The following PABPC1 variants were observed in gnomAD, a reference collection of about 807,000 sequenced individuals.
PABPC1 encodes the protein poly(A) binding protein cytoplasmic 1.
A neutral mutation model predicts 74.0 loss-of-function variants in PABPC1; 4 were observed. The observed-to-expected ratio is 0.05, with a 90% CI of 0.03 to 0.12. PABPC1 has a LOEUF of 0.12. PABPC1 is among the 10% of genes least tolerant of loss of function. The pLI, the probability that PABPC1 is intolerant of heterozygous loss-of-function variation, is 1.00. For synonymous variants in PABPC1, 227 were observed against 264.1 expected (o/e 0.86, Z 1.36); for missense variants, 271 against 821.1 (o/e 0.33, Z 8.19).
In PABPC1 at chr8:100,715,690, A is replaced by C. The variant is rs73700213; in HGVS notation, c.504-89T>G. 0.014 allele frequency: 11,847 copies of C among 873,034 alleles called. 902 individuals are homozygous for C. The African/African-American group carries it at 0.17, about 13-fold the overall frequency. The allele number at this position is 873,034 out of a possible 1,614,324, so 54.1% of individuals were successfully genotyped here. The stretch of plus-strand genomic sequence containing the variant: ...CTGATGGTTGGTTTTGTTACTGTTA[A>C]TGAGAATATTCAGAATCCCTAATAA... On this transcript the variant is annotated intron_variant, in intron 3 of 14. Transcript: ENST00000318607.
intron 2 of PABPC1, 37 bp from the exon 3 acceptor site, chr8:100,717,925 T>C (rs1376333393): frequency 6.8e-7 from 1 of 1,470,674 alleles, no homozygotes; most frequent in East Asian, 2.3e-5. Flanking sequence ...CTTTATTTGC[T>C]ATTGATTTAA....
At chr8:100,712,232 GAATTTAAGTTTT>G (rs1336715313) in intron 7 of PABPC1, 118 bp downstream of exon 7, 10 of 587,406 alleles carry the variant, frequency 1.7e-5, no homozygotes, top group Non-Finnish European at 3.0e-5. Flanking sequence ...GTTCAAATGT[GAATTTAAGTTTT>G]AGAAGTAACG....
At chr8:100,715,375 A>G (rs1010057956) in intron 4 of PABPC1, 87 bp downstream of exon 4, 4 of 1,205,978 alleles carry the variant, frequency 3.3e-6, no homozygotes, top group African/African-American at 1.5e-5. Flanking sequence ...AATTTTATTG[A>G]CTTTTTTAGT....
At chr8:100,707,789 C>A (rs1259772725) in intron 9 of PABPC1, among the ~76,000 whole-genome samples, 1 of 152,234 alleles carries the variant, frequency 6.6e-6, no homozygotes, top group Admixed American at 6.5e-5. Flanking sequence ...ACTCCCTTTC[C>A]CGGTCTGCTA....
chr8:100,712,797 C>T lies in PABPC1; in HGVS notation c.739-8G>A. 1 of 1,480,370 alleles carries T rather than the reference C, an allele frequency of 6.8e-7. No homozygotes were observed. Among genetic ancestry groups the T allele is most frequent in the Non-Finnish European group, 8.9e-7 (1 of 1,129,638 alleles). The allele number at this position is 1,480,370 out of a possible 1,614,324, so 91.7% of individuals were successfully genotyped here. ...GTTCATCTCATCCACAGCCTTCCCC[C>T]CAAAAAAAAAGAAAAAAAAAAAATC... On this transcript the variant is annotated splice_region_variant and splice_polypyrimidine_tract_variant and intron_variant, in intron 5 of 14. Coordinates refer to ENST00000318607, the MANE Select transcript of PABPC1 (RefSeq NM_002568.4).
intron 7 of PABPC1, 150 bp from the exon 8 acceptor site, chr8:100,709,881 A>G: frequency 1.1e-6 from 1 of 896,296 alleles, no homozygotes; most frequent in East Asian, 2.7e-5. Flanking sequence ...TGAGTTCACA[A>G]TTTTTCCTTA....
At chr8:100,711,538 A>G (rs1056817260) in intron 7 of PABPC1, among the ~76,000 whole-genome samples, 1 of 152,236 alleles carries the variant, frequency 6.6e-6, no homozygotes, top group African/African-American at 2.4e-5. Context: ...ACAACACTCA[A>G]TTTAAACAAT....
chr8:100,715,592 T>C lies in PABPC1; in HGVS notation c.513A>G (p.Gly171=). The C allele has an allele frequency of 6.2e-7, 1 of 1,607,966 alleles. No homozygotes were observed. Among genetic ancestry groups the C allele is most frequent in the Non-Finnish European group, 8.5e-7 (1 of 1,175,862 alleles). ...MLLNDRKVFV[G]RFKSRKEREA... ...CTCGTTCTTTACGAGACTTAAATCG[T>C]CCAACAAATCTAATAAGATATACAA... The change falls in exon 4 of 15, where the codon GGA becomes GGG. Residue 171 remains glycine, a synonymous_variant. Transcript: ENST00000318607.
intron 8 of PABPC1, 79 bp downstream of exon 8, chr8:100,709,380 C>T (rs564964305): frequency 2.6e-5 from 40 of 1,543,610 alleles, no homozygotes; most frequent in Middle Eastern, 1.7e-4. Context: ...TTCACATTTG[C>T]GGGGCGAGGG....
At chr8:100,715,122 TAC>T (rs56819980) in intron 4 of PABPC1, among the ~76,000 whole-genome samples, 10,716 of 131,124 alleles carry the variant, frequency 0.082, 428 homozygotes, top group Non-Finnish European at 0.11. Context: ...GATCTCTAAT[TAC>T]ACACACACAC....
chr8:100,703,816 G>A (rs193266897), intron 14 of PABPC1, among the ~76,000 whole-genome samples: 31 of 152,266 alleles, frequency 2.0e-4, no homozygotes, highest in East Asian at 5.8e-4. Context: ...TTGGGAGGCC[G>A]AGGTGGGCGG....
At chr8:100,704,068 A>C (rs1036973762) in intron 14 of PABPC1, 25 of 403,264 alleles carry the variant, frequency 6.2e-5, no homozygotes, top group African/African-American at 1.3e-4. Context: ...AAAAAAAAAA[A>C]AAAAAAACAC....
chr8:100,704,540 TTTTG>T, intron 13 of PABPC1, 150 bp from the exon 14 acceptor site: 1 of 703,614 alleles, frequency 1.4e-6, no homozygotes. Context: ...ATCCATTCAA[TTTTG>T]AGTTCTATTA....
intron 14 of PABPC1, 148 bp downstream of exon 14, chr8:100,704,149 A>C: frequency 1.5e-6 from 1 of 657,820 alleles, no homozygotes; most frequent in Non-Finnish European, 2.7e-6. Flanking sequence ...CTCTATAGTT[A>C]GTTCCACTTT....
rs1311079935 is a variant in PABPC1, at chr8:100,721,194, G to A, written c.193+197C>T. Among the ~76,000 whole-genome samples, 2 of 152,120 alleles carry A rather than the reference G, an allele frequency of 1.3e-5. No homozygotes were observed. Among genetic ancestry groups the A allele is most frequent in the East Asian group, 1.9e-4 (1 of 5,164 alleles). ...CGCAAAGGAGGAAGTAGCCGGGCGT[G>A]TGGCTGCCGGCAGCGCGGGTCCCCG... On this transcript the variant is annotated intron_variant, in intron 1 of 14. Transcript: ENST00000318607. The surrounding 1 kb of genome is among the most constrained non-coding windows in gnomAD (Gnocchi z 7.4).
intron 1 of PABPC1, among the ~76,000 whole-genome samples, chr8:100,718,827 A>C (rs182983347): frequency 1.0e-3 from 157 of 152,266 alleles, no homozygotes; most frequent in African/African-American, 3.7e-3. Flanking sequence ...GGGGGGAGGG[A>C]GGGTTTCAGT....
At chr8:100,719,295 C>CT (rs781367267) in intron 1 of PABPC1, among the ~76,000 whole-genome samples, 8 of 151,844 alleles carry the variant, frequency 5.3e-5, no homozygotes, top group Non-Finnish European at 1.0e-4. Flanking sequence ...CCGGCCACCT[C>CT]TTTTTTTATA....
intron 11 of PABPC1, 95 bp downstream of exon 11, chr8:100,706,556 G>T: frequency 1.8e-6 from 2 of 1,093,448 alleles, no homozygotes; most frequent in Non-Finnish European, 2.7e-6. Context: ...CAAAGTGCTG[G>T]GGTTATAGGT....
Position 100,715,613 on chromosome 8 carries a change from T to C in PABPC1, c.504-12A>G, listed in dbSNP as rs28477848. On this transcript the variant is annotated splice_polypyrimidine_tract_variant and intron_variant, in intron 3 of 14. Transcript: ENST00000318607. ...ATCGTCCAACAAATCTAATAAGATA[T>C]ACAAGGACTATAACATTAGATTCTA... 1.3e-3 allele frequency: 1,995 copies of C among 1,588,126 alleles called. 32 individuals carry two copies. The African/African-American group carries it at 0.024, about 19-fold the overall frequency.
Sources: allele counts gnomAD v4.1 joint callset (sites outside exome capture counted in the v4.1 genomes callset), GRCh38; gene constraint gnomAD v4.1.1; non-coding constraint Gnocchi (gnomAD v3.1); transcripts MANE v1.5; gene names NCBI Gene and HGNC (gene_info 2026-07-23, HGNC 2026-07-21).